The following NUAK2 variants were observed in gnomAD, a reference collection of about 807,000 sequenced individuals.
The protein encoded by NUAK2 is NUAK family SNF1-like kinase 2.
A neutral mutation model predicts 29.8 loss-of-function variants in NUAK2; 20 were observed. The observed-to-expected ratio is 0.67, with a 90% CI of 0.47 to 0.98. NUAK2 has a LOEUF of 0.98. NUAK2 is among the 50% of genes least tolerant of loss of function. The pLI, the probability that NUAK2 is intolerant of heterozygous loss-of-function variation, is 0.00. For synonymous variants in NUAK2, 331 were observed against 342.6 expected (o/e 0.97, Z 0.37); for missense variants, 719 against 834.5 (o/e 0.86, Z 1.71).
chr1:205,317,043 C>T (rs1662337371), intron 1 of NUAK2, among the ~76,000 whole-genome samples: 1 of 152,166 alleles, frequency 6.6e-6, no homozygotes, highest in Non-Finnish European at 1.5e-5. Flanking sequence ...GAAGGGAATG[C>T]CCCATATCTT....
Position 205,303,802 on chromosome 1 carries a change from G to C in NUAK2, c.1535C>G (p.Ala512Gly). ...GGTGGTGGGGGCCGCGAGCTCCAAG[G>C]CTGTCTGGGAGAACTTGCCATTGAG... ...LKLNGKFSQT[A>G]LELAAPTTFG... The change falls in exon 7 of 7, where the codon GCC (alanine) becomes GGC (glycine). Residue 512 changes from alanine to glycine, a missense_variant. Ala to Gly is a moderately conservative substitution (Grantham distance 60, BLOSUM62 0). Coordinates refer to ENST00000367157, the MANE Select transcript of NUAK2 (RefSeq NM_030952.3). 6.3e-7 allele frequency: 1 copy of C among 1,587,234 alleles called. No homozygotes were observed. Among genetic ancestry groups the C allele is most frequent in the Non-Finnish European group, 8.6e-7 (1 of 1,166,304 alleles).
At position 205,306,122 on chromosome 1, in the gene NUAK2, A is replaced by G. The variant is rs1326593353; in HGVS notation, c.690+66T>C. On this transcript the variant is annotated intron_variant, in intron 5 of 6. Transcript: ENST00000367157. Reference sequence around the variant, plus strand: ...GAATAACGAGAAAACTAGCCCATCAATCTCCCAGGATCTAAAGTCATAGTA... The same window carrying G: ...GAATAACGAGAAAACTAGCCCATCAGTCTCCCAGGATCTAAAGTCATAGTA... 5 of 1,505,976 alleles carry G rather than the reference A, an allele frequency of 3.3e-6. No individual in the cohort carries two copies. In the South Asian group the frequency reaches 5.3e-5, roughly 16 times the overall value. The allele number at this position is 1,505,976 out of a possible 1,614,324, so 93.3% of individuals were successfully genotyped here. A position where few individuals can be genotyped will look rare whatever the true frequency, so the allele number is the denominator to read the frequency against.
chr1:205,314,915 G>A (rs1387599183), intron 1 of NUAK2, among the ~76,000 whole-genome samples: 1 of 152,182 alleles, frequency 6.6e-6, no homozygotes, highest in East Asian at 1.9e-4. Flanking sequence ...AAGGGAGAAA[G>A]GGGTGTTAGA....
Position 205,308,793 on chromosome 1 carries a change from G to T in NUAK2, c.353-61C>A. 3 of 1,582,914 alleles carry T rather than the reference G, an allele frequency of 1.9e-6. No individual in the cohort carries two copies. The highest frequency in any genetic ancestry group is 2.6e-6 in the Non-Finnish European group (3 of 1,158,456). ...CAGAGTGCACTGCTCTCCACTGGGGGTGACTCACTCCTCCCCGACCCCAGG... is the reference window on the plus strand; with the variant it reads ...CAGAGTGCACTGCTCTCCACTGGGGTTGACTCACTCCTCCCCGACCCCAGG... On this transcript the variant is annotated intron_variant, in intron 2 of 6. Coordinates refer to ENST00000367157, the MANE Select transcript of NUAK2 (RefSeq NM_030952.3). This position sits in a 1 kb window ranked among gnomAD's most constrained non-coding sequence, Gnocchi z 4.1.
chr1:205,304,567 C>G lies in NUAK2; in HGVS notation c.824-54G>C. On this transcript the variant is annotated intron_variant, in intron 6 of 6. Coordinates refer to ENST00000367157, the MANE Select transcript of NUAK2 (RefSeq NM_030952.3). The surrounding 1 kb of genome is among the most constrained non-coding windows in gnomAD (Gnocchi z 6.5). ...TTGGCAGCTCCCAGAATAGGCACTC[C>G]CTGTCCCCTGTCCCCAGCTCATCCC... is the stretch of plus-strand genomic sequence containing the variant. 5.2e-6 allele frequency: 7 copies of G among 1,338,680 alleles called. No homozygotes were observed. The highest frequency in any genetic ancestry group is 7.0e-6 in the Non-Finnish European group (7 of 995,566). The allele number at this position is 1,338,680 out of a possible 1,614,324, so 82.9% of individuals were successfully genotyped here.
At chr1:205,311,854 G>A (rs1195791690) in intron 1 of NUAK2, 29 bp from the exon 2 acceptor site, 1 of 1,612,076 alleles carries the variant, frequency 6.2e-7, no homozygotes, top group Non-Finnish European at 8.5e-7. Flanking sequence ...AGAGTGAGGA[G>A]AAAGGTTTGG....
Position 205,303,661 on chromosome 1 carries a change from A to G in NUAK2, c.1676T>C (p.Leu559Ser). 1.3e-6 allele frequency: 2 copies of G among 1,572,736 alleles called. No homozygotes were observed. Among genetic ancestry groups the G allele is most frequent in the Non-Finnish European group, 8.6e-7 (1 of 1,160,538 alleles). The change falls in exon 7 of 7, where the codon TTG (leucine) becomes TCG (serine). Residue 559 changes from leucine (L) to serine (S), a missense_variant. Around this residue, in one of 3 missense-constraint regions of NUAK2, gnomAD observed 430 missense variants for 465.7 expected, o/e 0.92. Coordinates refer to ENST00000367157, the MANE Select transcript of NUAK2 (RefSeq NM_030952.3). ...TGGGGGCTCTGGGAGCCGTTCAGGC[A>G]AGTCCAGCTGGTCAAAGGACTCAGA... Reference protein sequence around the residue: ...LSSESFDQLDLPERLPEPPLR... With the variant: ...LSSESFDQLDSPERLPEPPLR...
At chr1:205,321,029 C>T (rs1662407911) in intron 1 of NUAK2, among the ~76,000 whole-genome samples, 1 of 152,202 alleles carries the variant, frequency 6.6e-6, no homozygotes, top group Non-Finnish European at 1.5e-5. Flanking sequence ...TCTACTTCCT[C>T]TTTCCATTGC....
rs1236587812 is a variant in NUAK2 at position 205,302,862 on chromosome 1, G to A, written c.*588C>T. 2.6e-5 allele frequency: 4 copies of A among 152,240 alleles called. No individual in the cohort carries two copies. The highest frequency in any genetic ancestry group is 7.3e-5 in the African/African-American group (3 of 41,376). The allele number at this position is 152,240 out of a possible 1,614,324, so 9.4% of individuals were successfully genotyped here. A position where few individuals can be genotyped will look rare whatever the true frequency, so the allele number is the denominator to read the frequency against. ...GCTGAGATCGCGCCATTGCACTCTA[G>A]CCTGGGCACCAAGAGCGAAACTCCG... On this transcript the variant is annotated 3_prime_UTR_variant, in exon 7 of 7. Coordinates refer to ENST00000367157, the MANE Select transcript of NUAK2 (RefSeq NM_030952.3).
chr1:205,311,790 T>C lies in NUAK2; in HGVS notation c.267A>G (p.Lys89=). ...GTATGTGCATCAGATCTTGCTCATC[T>C]TTGATTTTGTCCTTCCGGATTGACT... ...AIKSIRKDKI[K]DEQDLMHIRR... Residue 89 remains lysine (K), a synonymous_variant, in exon 2 of 7, where the codon AAA becomes AAG. Transcript: ENST00000367157. The C allele has an allele frequency of 6.2e-7, 1 of 1,614,158 alleles. No homozygotes were observed. The highest frequency in any genetic ancestry group is 1.3e-5 in the African/African-American group (1 of 75,038).
chr1:205,321,478 G>T lies in NUAK2; in HGVS notation c.151C>A (p.His51Asn), dbSNP rs774882765. Reference protein sequence around the residue: ...KRHHHKHNLRHRYEFLETLGK... With the variant: ...KRHHHKHNLRNRYEFLETLGK... ...AGGGTCTCCAGGAACTCGTAGCGGT[G>T]CCGCAGGTTGTGCTTGTGGTGGTGC... is the stretch of plus-strand genomic sequence containing the variant. The change falls in exon 1 of 7, where the codon CAC (histidine) becomes AAC (asparagine). Residue 51 changes from histidine (H) to asparagine (N), a missense_variant. His to Asn is a moderately conservative substitution (Grantham distance 68, BLOSUM62 1). Coordinates refer to ENST00000367157, the MANE Select transcript of NUAK2 (RefSeq NM_030952.3). 2 of 1,614,024 alleles carry T rather than the reference G, an allele frequency of 1.2e-6. No individual in the cohort carries two copies. Among genetic ancestry groups the T allele is most frequent in the South Asian group, 2.2e-5 (2 of 91,084 alleles).
intron 5 of NUAK2, 76 bp from the exon 6 acceptor site, chr1:205,305,407 C>G: frequency 6.5e-7 from 1 of 1,546,346 alleles, no homozygotes; most frequent in Non-Finnish European, 8.7e-7. Flanking sequence ...AACTCAGAGG[C>G]CAGCACACCT....
At chr1:205,317,079 A>ACCGGCCAGGCTGTGTAGTATCG (rs1450461400) in intron 1 of NUAK2, among the ~76,000 whole-genome samples, 4 of 152,116 alleles carry the variant, frequency 2.6e-5, no homozygotes, top group Non-Finnish European at 5.9e-5. Flanking sequence ...GTGTAGTATC[A>ACCGGCCAGGCTGTGTAGTATCG]CCAGCCACCC....
rs768533126 is a variant in NUAK2 at position 205,303,730 on chromosome 1, G to A, written c.1607C>T (p.Ala536Val). The A allele has an allele frequency of 6.5e-7, 1 of 1,539,290 alleles. No individual in the cohort carries two copies. The highest frequency in any genetic ancestry group is 8.7e-7 in the Non-Finnish European group (1 of 1,144,602). ...GCTCACAGCCCCTGAGGGTCGGCTG[G>A]CCCGGGCCAGGGGGCGAGGTGGGGC... ...ELAPPRPLAR[A>V]SRPSGAVSED... is the part of the protein sequence containing the mutation. Residue 536 changes from alanine (A) to valine (V), a missense_variant, in exon 7 of 7, where the codon GCC becomes GTC. Transcript: ENST00000367157.
intron 1 of NUAK2, among the ~76,000 whole-genome samples, chr1:205,319,472 C>G (rs1214904254): frequency 6.6e-6 from 1 of 152,068 alleles, no homozygotes; most frequent in Non-Finnish European, 1.5e-5. Context: ...GGGTCAAGAG[C>G]CTGATGGGAA....
intron 4 of NUAK2, among the ~76,000 whole-genome samples, chr1:205,306,804 A>C (rs1574891038): frequency 6.6e-6 from 1 of 152,126 alleles, no homozygotes; most frequent in Non-Finnish European, 1.5e-5. Flanking sequence ...TAGTGATGGA[A>C]AGGAGGGTCA....
chr1:205,317,641 T>C (rs1241399668), intron 1 of NUAK2, among the ~76,000 whole-genome samples: 1 of 152,198 alleles, frequency 6.6e-6, no homozygotes, highest in Non-Finnish European at 1.5e-5. Context: ...CTGCCCAGCC[T>C]TCTTGTGTGG....
In NUAK2 at chr1:205,321,635, C is replaced by T. The variant is rs780143817; in HGVS notation, c.-7G>A. ...CGAAAACCAGCGACTCCATGGCGAG[C>T]AGGAGGTGAGCAAGGGCGGCAGGGG... On this transcript the variant is annotated 5_prime_UTR_variant, in exon 1 of 7. Transcript: ENST00000367157. 3.1e-5 allele frequency: 50 copies of T among 1,606,136 alleles called. No homozygotes were observed. Among genetic ancestry groups the T allele is most frequent in the Non-Finnish European group, 4.2e-5 (50 of 1,178,684 alleles).
chr1:205,321,419 C>A lies in NUAK2; in HGVS notation c.210G>T (p.Ala70=), dbSNP rs781410389. The A allele has an allele frequency of 3.1e-6, 5 of 1,613,708 alleles. No individual in the cohort carries two copies. The African/African-American group carries it at 5.3e-5, about 17-fold the overall frequency. ...TCACCAGGCGCCCCGAGCTCTCCCGCGCCTTCTTCACCTTCCCGTAGGTGC... is the reference window on the plus strand; with the variant it reads ...TCACCAGGCGCCCCGAGCTCTCCCGAGCCTTCTTCACCTTCCCGTAGGTGC... ...GKGTYGKVKK[A]RESSGRLVAI... Residue 70 remains alanine (A), a synonymous_variant, in exon 1 of 7, where the codon GCG becomes GCT. Coordinates refer to ENST00000367157, the MANE Select transcript of NUAK2 (RefSeq NM_030952.3).
Sources: gnomAD v4.1 joint callset for allele counts (sites outside exome capture counted in the v4.1 genomes callset) on GRCh38, gnomAD v4.1.1 for gene constraint, gnomAD v4.1.1 regional missense constraint, Gnocchi (gnomAD v3.1) non-coding constraint, MANE v1.5 for transcripts, NCBI Gene and HGNC (gene_info 2026-07-23, HGNC 2026-07-21) for gene names.